Variants in SLC25A26 observed in about 807,000 individuals in gnomAD.
SLC25A26 encodes the protein solute carrier family 25 member 26.
A neutral mutation model predicts 37.8 loss-of-function variants in SLC25A26; 36 were observed. The observed-to-expected ratio is 0.95, with a 90% confidence interval of 0.73 to 1.26. SLC25A26 has a LOEUF of 1.26. Among genes scored for constraint, SLC25A26 ranks in the 50% most tolerant of loss-of-function variants. The probability of loss-of-function intolerance (pLI) is 0.00; values close to 1 mark genes in which losing one functional copy is unlikely to be tolerated. For synonymous variants in SLC25A26, 129 were observed against 122.5 expected (o/e 1.05, Z -0.35); for missense variants, 390 against 331.1 (o/e 1.18, Z -1.38).
At chr3:66,210,553 T>C (rs933968563) in intron 1 of SLC25A26, among the ~76,000 whole-genome samples, 2 of 152,070 alleles carry the variant, frequency 1.3e-5, no homozygotes, top group South Asian at 4.2e-4. Context: ...TCTCACTCTG[T>C]CACTAGGCTG....
chr3:66,347,116 G>C (rs879400661), intron 6 of SLC25A26, among the ~76,000 whole-genome samples: 3 of 152,096 alleles, frequency 2.0e-5, no homozygotes, highest in African/African-American at 7.2e-5. Flanking sequence ...AGCCAAAATT[G>C]ACAAATGGGA....
intron 5 of SLC25A26, among the ~76,000 whole-genome samples, chr3:66,290,510 A>G (rs1222257442): frequency 6.6e-6 from 1 of 152,188 alleles, no homozygotes; most frequent in Non-Finnish European, 1.5e-5. Flanking sequence ...GTTTATTGAG[A>G]GTTTTTAGCA....
chr3:66,302,133 A>C (rs1189706126), intron 5 of SLC25A26, among the ~76,000 whole-genome samples: 3 of 152,208 alleles, frequency 2.0e-5, no homozygotes, highest in Non-Finnish European at 4.4e-5. Flanking sequence ...CAGTGTCTCT[A>C]ATACTCCATC....
intron 1 of SLC25A26, among the ~76,000 whole-genome samples, chr3:66,163,830 A>G (rs184103353): frequency 1.1e-4 from 17 of 152,362 alleles, no homozygotes; most frequent in African/African-American, 3.6e-4. Context: ...ATAATCATTT[A>G]TTTAGACTAG....
intron 1 of SLC25A26, among the ~76,000 whole-genome samples, chr3:66,205,412 G>C (rs970157129): frequency 6.6e-6 from 1 of 152,168 alleles, no homozygotes; most frequent in East Asian, 1.9e-4. Flanking sequence ...TTTGAGTCTA[G>C]GATTGGAATG....
intron 1 of SLC25A26, among the ~76,000 whole-genome samples, chr3:66,155,762 A>C (rs1428833482): frequency 6.6e-6 from 1 of 152,122 alleles, no homozygotes; most frequent in Non-Finnish European, 1.5e-5. Flanking sequence ...CAAATCAGCA[A>C]GTTCACTTGC....
chr3:66,266,923 A>C (rs999952086), intron 5 of SLC25A26, among the ~76,000 whole-genome samples: 4 of 152,206 alleles, frequency 2.6e-5, no homozygotes, highest in Middle Eastern at 3.2e-3. Flanking sequence ...CTTTTTATAG[A>C]GGAAGAAAGC....
chr3:66,252,281 A>G (rs1384021816), intron 3 of SLC25A26, among the ~76,000 whole-genome samples: 2 of 152,218 alleles, frequency 1.3e-5, no homozygotes, highest in African/African-American at 2.4e-5. Flanking sequence ...GCTTTTCAAT[A>G]TTTGAGTTGT....
intron 3 of SLC25A26, among the ~76,000 whole-genome samples, chr3:66,260,202 C>G (rs1006817358): frequency 2.0e-5 from 3 of 152,130 alleles, no homozygotes; most frequent in Admixed American, 2.0e-4. Flanking sequence ...GCCCCACCCC[C>G]CTTTTGGCCA....
chr3:66,371,090 G>A (rs1700322092), intron 9 of SLC25A26: 7 of 1,385,160 alleles, frequency 5.1e-6, no homozygotes, highest in African/African-American at 2.9e-5. Flanking sequence ...CTAGCTTCAT[G>A]TCCTAAAAGC....
At chr3:66,158,946 A>G (rs1038012848) in intron 1 of SLC25A26, among the ~76,000 whole-genome samples, 4 of 152,134 alleles carry the variant, frequency 2.6e-5, no homozygotes, top group Admixed American at 2.0e-4. Context: ...ACCTTCCCCC[A>G]TACTGTGGGA....
chr3:66,281,389 T>C (rs1249529390), intron 5 of SLC25A26, among the ~76,000 whole-genome samples: 1 of 152,262 alleles, frequency 6.6e-6, no homozygotes, highest in Non-Finnish European at 1.5e-5. Flanking sequence ...CAATAAATAG[T>C]TTTAACATCT....
chr3:66,317,141 C>G (rs1304364746), intron 5 of SLC25A26, among the ~76,000 whole-genome samples: 1 of 152,198 alleles, frequency 6.6e-6, no homozygotes, highest in Non-Finnish European at 1.5e-5. Flanking sequence ...CAGTTCTGTG[C>G]CCTTGCTGGA....
chr3:66,328,140 C>T (rs2075884143), intron 5 of SLC25A26, among the ~76,000 whole-genome samples: 1 of 151,884 alleles, frequency 6.6e-6, no homozygotes, highest in African/African-American at 2.4e-5. Flanking sequence ...ACACATTTTT[C>T]CCTTAAAAAA....
intron 1 of SLC25A26, among the ~76,000 whole-genome samples, chr3:66,208,809 G>GAT (rs2071219496): frequency 2.6e-5 from 1 of 38,520 alleles, no homozygotes; most frequent in Non-Finnish European, 7.6e-5. Context: ...CCTTTACATG[G>GAT]GTATATATAT....
At chr3:66,234,208 T>A (rs2072166256) in intron 1 of SLC25A26, among the ~76,000 whole-genome samples, 1 of 152,208 alleles carries the variant, frequency 6.6e-6, no homozygotes. Context: ...TCCTCCTGCC[T>A]CAGCCTCCCA....
chr3:66,203,948 C>T (rs2071140650), intron 1 of SLC25A26, among the ~76,000 whole-genome samples: 1 of 152,032 alleles, frequency 6.6e-6, no homozygotes, highest in African/African-American at 2.4e-5. Flanking sequence ...CAAATTTAGC[C>T]CCGATACACA....
chr3:66,144,317 A>G (rs2070083063), intron 1 of SLC25A26, among the ~76,000 whole-genome samples: 1 of 152,260 alleles, frequency 6.6e-6, no homozygotes. Context: ...AGTTTCTAAC[A>G]CCACAATCCT....
intron 1 of SLC25A26, among the ~76,000 whole-genome samples, chr3:66,167,792 TA>T (rs2070444405): frequency 2.0e-5 from 3 of 152,186 alleles, no homozygotes; most frequent in Admixed American, 6.5e-5. Flanking sequence ...TTTCATCTAG[TA>T]AATTTCTCAA....
Sources: allele counts gnomAD v4.1 joint callset (sites outside exome capture counted in the v4.1 genomes callset), GRCh38; gene constraint gnomAD v4.1.1; transcripts MANE v1.5; gene names NCBI Gene and HGNC (gene_info 2026-07-23, HGNC 2026-07-21).